SNTG1: variants seen among roughly 807,000 people sequenced by gnomAD.
SNTG1 encodes the protein gamma-1-syntrophin.
In SNTG1, 39 loss-of-function variants were observed where a neutral mutation model predicts 74.7. The observed-to-expected ratio is 0.52, with a 90% CI of 0.40 to 0.68. The LOEUF is 0.68. Among genes scored for constraint, SNTG1 ranks in the 30% least tolerant of loss-of-function variants. The probability of loss-of-function intolerance (pLI) is 0.00; values close to 1 mark genes in which losing one functional copy is unlikely to be tolerated. For missense variants in SNTG1, 685 were observed against 609.5 expected (o/e 1.12, Z -1.30); for synonymous variants, 254 against 217.1 (o/e 1.17, Z -1.49).
At chr8:50,388,480 A>G (rs184949996) in intron 2 of SNTG1, among the ~76,000 whole-genome samples, 1 of 152,158 alleles carries the variant, frequency 6.6e-6, no homozygotes, top group Non-Finnish European at 1.5e-5. Context: ...CTGAAACCCC[A>G]AAACCAAGTC....
intron 17 of SNTG1, among the ~76,000 whole-genome samples, chr8:50,714,989 C>T (rs1344850842): frequency 1.3e-5 from 2 of 152,128 alleles, no homozygotes; most frequent in African/African-American, 4.8e-5. Flanking sequence ...TTGTTATGGG[C>T]ACCTCCATTT....
intron 18 of SNTG1, among the ~76,000 whole-genome samples, chr8:50,756,818 T>G (rs1251897708): frequency 6.6e-6 from 1 of 151,836 alleles, no homozygotes; most frequent in Non-Finnish European, 1.5e-5. Context: ...TGCTGGAATT[T>G]TGATTGGAAT....
chr8:49,959,241 G>A (rs1295725472), intron 1 of SNTG1, among the ~76,000 whole-genome samples: 1 of 152,198 alleles, frequency 6.6e-6, no homozygotes, highest in African/African-American at 2.4e-5. Flanking sequence ...CTGTCCCTGG[G>A]AAAGAGCATG....
chr8:50,484,297 C>A (rs2093771157), intron 8 of SNTG1, among the ~76,000 whole-genome samples: 1 of 151,028 alleles, frequency 6.6e-6, no homozygotes, highest in Non-Finnish European at 1.5e-5. Flanking sequence ...CTCACTGTAA[C>A]CTCCACCTCC....
At chr8:50,476,184 T>C (rs960319765) in intron 8 of SNTG1, among the ~76,000 whole-genome samples, 1 of 152,218 alleles carries the variant, frequency 6.6e-6, no homozygotes, top group South Asian at 2.1e-4. Context: ...GGAGTAATGA[T>C]GCTGGCATAT....
intron 2 of SNTG1, among the ~76,000 whole-genome samples, chr8:50,352,412 C>A (rs993796827): frequency 1.3e-5 from 2 of 150,908 alleles, no homozygotes; most frequent in African/African-American, 4.9e-5. Context: ...TTTTTTTGGA[C>A]GTAGTTTCAC....
chr8:50,790,171 C>T (rs2095686899), intron 18 of SNTG1, among the ~76,000 whole-genome samples: 1 of 151,866 alleles, frequency 6.6e-6, no homozygotes, highest in Non-Finnish European at 1.5e-5. Flanking sequence ...GACATATTGT[C>T]CTTAATTTAT....
chr8:50,173,236 C>T (rs2082873771), intron 2 of SNTG1, among the ~76,000 whole-genome samples: 1 of 152,062 alleles, frequency 6.6e-6, no homozygotes, highest in African/African-American at 2.4e-5. Flanking sequence ...GGATCAATGA[C>T]CTTGTAGTAG....
At chr8:50,750,430 G>C (rs912557185) in intron 17 of SNTG1, among the ~76,000 whole-genome samples, 3 of 152,014 alleles carry the variant, frequency 2.0e-5, no homozygotes, top group African/African-American at 7.2e-5. Flanking sequence ...ATAAACAGCA[G>C]CAGGATTTGA....
chr8:50,511,581 T>G (rs1453779052), intron 9 of SNTG1, among the ~76,000 whole-genome samples: 1 of 152,192 alleles, frequency 6.6e-6, no homozygotes, highest in Non-Finnish European at 1.5e-5. Context: ...AGGACTTGCT[T>G]TATGAATCTG....
chr8:50,704,798 T>A, intron 16 of SNTG1, 46 bp downstream of exon 16: 1 of 1,601,260 alleles, frequency 6.2e-7, no homozygotes, highest in Non-Finnish European at 8.5e-7. Context: ...CTCAGATGCA[T>A]GACCACTTCC....
intron 1 of SNTG1, among the ~76,000 whole-genome samples, chr8:50,024,232 C>A (rs1817067993): frequency 6.6e-6 from 1 of 152,128 alleles, no homozygotes; most frequent in Non-Finnish European, 1.5e-5. Flanking sequence ...TAAGTACATT[C>A]TCTCACCATA....
chr8:50,438,656 G>T (rs2093329627), intron 5 of SNTG1, 57 bp downstream of exon 5: 4 of 1,424,984 alleles, frequency 2.8e-6, no homozygotes, highest in Middle Eastern at 1.8e-4. Flanking sequence ...GCTGAACTTT[G>T]GTGCATTTCA....
intron 13 of SNTG1, among the ~76,000 whole-genome samples, chr8:50,601,851 T>A (rs558071499): frequency 6.6e-6 from 1 of 152,292 alleles, no homozygotes; most frequent in East Asian, 1.9e-4. Flanking sequence ...TGAATTTAAC[T>A]TTTTATCATT....
In SNTG1 at chr8:50,738,675, TA is replaced by T. The variant is rs1385023176; in HGVS notation, c.1285-13324del. ...TTCAAACTATACTACAAAGCTACAGTAACCAAAACAGCATGGTACTTGTACC... is the reference window on the plus strand; with the variant it reads ...TTCAAACTATACTACAAAGCTACAGTACCAAAACAGCATGGTACTTGTACC... On this transcript the variant is annotated intron_variant, in intron 17 of 18. Coordinates refer to ENST00000642720, the MANE Select transcript of SNTG1 (RefSeq NM_018967.5). 4.6e-5 allele frequency among the ~76,000 whole-genome samples: 7 copies of T among 151,756 alleles called. No individual in the cohort carries two copies. In the East Asian group the frequency reaches 1.4e-3, roughly 30 times the overall value.
At chr8:50,611,078 C>T (rs191681446) in intron 13 of SNTG1, among the ~76,000 whole-genome samples, 140 of 151,914 alleles carry the variant, frequency 9.2e-4, no homozygotes, top group African/African-American at 3.3e-3. Flanking sequence ...TATATAGTCA[C>T]GAGGGAGGCA....
intron 15 of SNTG1, among the ~76,000 whole-genome samples, chr8:50,673,970 G>C (rs984750690): frequency 7.9e-5 from 12 of 152,134 alleles, no homozygotes; most frequent in African/African-American, 2.9e-4. Flanking sequence ...TCAATGTGAT[G>C]AACACATTTA....
At chr8:50,436,476 AAT>A (rs1202663779) in intron 4 of SNTG1, among the ~76,000 whole-genome samples, 1 of 152,010 alleles carries the variant, frequency 6.6e-6, no homozygotes, top group African/African-American at 2.4e-5. Context: ...TGTGTGTGTA[AAT>A]ACTAAATTTC....
Position 50,708,956 on chromosome 8 carries a change from T to C in SNTG1, c.1262T>C (p.Ile421Thr). The change falls in exon 17 of 19, where the codon ATC becomes ACC. Residue 421 changes from isoleucine to threonine, a missense_variant. Physicochemically the swap from Ile to Thr is moderately conservative, Grantham distance 89. Transcript: ENST00000642720. ...GLTIDFSTGFICFDAATKAVL... is the reference protein window; with the variant it reads ...GLTIDFSTGFTCFDAATKAVL... ...ACAATTGATTTCAGCACAGGATTTA[T>C]CTGCTTTGATGCTGCAACAAAGGTA... is the stretch of plus-strand genomic sequence containing the variant. 1 of 1,613,782 alleles carries C rather than the reference T, an allele frequency of 6.2e-7. No homozygotes were observed. The highest frequency in any genetic ancestry group is 8.5e-7 in the Non-Finnish European group (1 of 1,179,800).
Sources: gnomAD v4.1 joint callset for allele counts (sites outside exome capture counted in the v4.1 genomes callset) on GRCh38, gnomAD v4.1.1 for gene constraint, MANE v1.5 for transcripts, NCBI Gene and HGNC (gene_info 2026-07-23, HGNC 2026-07-21) for gene names.